Variants in CCDC7 observed in about 807,000 individuals in gnomAD.
CCDC7 encodes coiled-coil domain containing 7.
Under a neutral mutation model 196.9 loss-of-function variants are expected in CCDC7, and 183 were observed. That is an observed-to-expected ratio of 0.93 (90% CI 0.82 to 1.05). The LOEUF (loss-of-function observed/expected upper bound fraction) is 1.05. CCDC7 is among the 50% of genes least tolerant of loss of function. The pLI, the probability that CCDC7 is intolerant of heterozygous loss-of-function variation, is 0.00. For synonymous variants in CCDC7, 525 were observed against 484.6 expected (o/e 1.08, Z -1.10); for missense variants, 1,540 against 1,482.2 (o/e 1.04, Z -0.64).
chr10:32,461,709 GTA>G lies in CCDC7; in HGVS notation c.457-954_457-953del, dbSNP rs771403958. On this transcript the variant is annotated intron_variant, in intron 3 of 41. Transcript: ENST00000639629. Reference sequence around the variant, plus strand: ...TACATATATGTGTGTGTGTGTGTGTGTATATATATATATATATATATGTATAT... The same window carrying G: ...TACATATATGTGTGTGTGTGTGTGTGTATATATATATATATATATGTATAT... 1.9e-3 allele frequency among the ~76,000 whole-genome samples: 111 copies of G among 57,482 alleles called. 1 individual carries two copies. The highest frequency in any genetic ancestry group is 7.1e-3 in the African/African-American group (91 of 12,806). The allele number at this position is 57,482 out of a possible 152,430, so 37.7% of individuals were successfully genotyped here. A position where few individuals can be genotyped will look rare whatever the true frequency, so the allele number is the denominator to read the frequency against.
At chr10:32,846,552 C>A in intron 37 of CCDC7, 93 bp downstream of exon 38, 1 of 712,376 alleles carries the variant, frequency 1.4e-6, no homozygotes, top group Non-Finnish European at 2.4e-6. Context: ...ATAGTGCCTA[C>A]ATGTTAGTGT....
chr10:32,823,631 T>G (rs889646631), intron 31 of CCDC7, among the ~76,000 whole-genome samples: 7 of 152,228 alleles, frequency 4.6e-5, no homozygotes, highest in Non-Finnish European at 8.8e-5. Context: ...CATTACATGC[T>G]CTGCTAAAAC....
At chr10:32,689,841 T>C (rs1168586311) in intron 23 of CCDC7, among the ~76,000 whole-genome samples, 1 of 152,036 alleles carries the variant, frequency 6.6e-6, no homozygotes, top group Admixed American at 6.6e-5. Flanking sequence ...CTCAAGTGAT[T>C]TTCCTGCCTC....
chr10:32,688,803 A>G (rs2076749453), intron 22 of CCDC7, among the ~76,000 whole-genome samples: 1 of 152,178 alleles, frequency 6.6e-6, no homozygotes. Flanking sequence ...AATATAAAAA[A>G]CCTAAGAAAG....
At chr10:32,531,989 A>G (rs563572719) in intron 11 of CCDC7, among the ~76,000 whole-genome samples, 1 of 152,200 alleles carries the variant, frequency 6.6e-6, no homozygotes, top group African/African-American at 2.4e-5. Flanking sequence ...CAAAACATCA[A>G]CTTTTTCTTT....
intron 25 of CCDC7, among the ~76,000 whole-genome samples, chr10:32,715,114 C>T (rs1290618725): frequency 6.6e-6 from 1 of 152,210 alleles, no homozygotes; most frequent in East Asian, 1.9e-4. Context: ...AGACACCTCC[C>T]AGCAGGGGTC....
chr10:32,523,549 C>CAA (rs34147655), intron 11 of CCDC7, among the ~76,000 whole-genome samples: 7,152 of 130,472 alleles, frequency 0.055, 590 homozygotes, highest in African/African-American at 0.19. Context: ...ACGCTGTCTC[C>CAA]AAAAAAAAAA....
chr10:32,712,078 C>T (rs1296074858), intron 25 of CCDC7, among the ~76,000 whole-genome samples: 6 of 152,168 alleles, frequency 3.9e-5, no homozygotes, highest in South Asian at 4.2e-4. Context: ...GAAGTATTGC[C>T]GAGATCTGTA....
intron 32 of CCDC7, among the ~76,000 whole-genome samples, chr10:32,828,485 G>GGAAGAGGAAGAAGAA (rs2091618916): frequency 2.0e-4 from 10 of 49,746 alleles, no homozygotes; most frequent in Admixed American, 4.7e-4. Flanking sequence ...AAGAGGAAGA[G>GGAAGAGGAAGAAGAA]GAAGAAGAAG....
At chr10:32,876,626 TTTAAAGAAG>T (rs2094603443), downstream of CCDC7, 3 of 356,920 alleles carry the variant, frequency 8.4e-6, no homozygotes, top group Non-Finnish European at 1.5e-5. Context: ...TCTTTTCAAT[TTTAAAGAAG>T]TTATGCAATT....
intron 30 of CCDC7, among the ~76,000 whole-genome samples, chr10:32,805,929 T>C (rs1410433001): frequency 6.6e-6 from 1 of 152,134 alleles, no homozygotes; most frequent in African/African-American, 2.4e-5. Context: ...GCGCTTTTAC[T>C]CACGGCAGAA....
At position 32,453,358 on chromosome 10, in the gene CCDC7, G is replaced by A. The variant is rs750198207; in HGVS notation, c.294G>A (p.Leu98=). The A allele has an allele frequency of 2.0e-6, 3 of 1,498,730 alleles. No homozygotes were observed. In the South Asian group the frequency reaches 4.5e-5, roughly 22 times the overall value. The allele number at this position is 1,498,730 out of a possible 1,614,324, so 92.8% of individuals were successfully genotyped here. A position where few individuals can be genotyped will look rare whatever the true frequency, so the allele number is the denominator to read the frequency against. ...TTTTTTTACAGGTTGTTTCCACTTT[G>A]GAAGAAACCTATGGACATTGCGATC... The change falls in exon 2 of 42, where the codon TTG becomes TTA. Residue 98 remains leucine (L), a synonymous_variant. Coordinates refer to ENST00000639629, the Ensembl canonical transcript of CCDC7.
chr10:32,775,661 G>A (rs1287922597), intron 28 of CCDC7, among the ~76,000 whole-genome samples: 1 of 152,048 alleles, frequency 6.6e-6, no homozygotes, highest in Non-Finnish European at 1.5e-5. Flanking sequence ...ACCAGTGATT[G>A]GCCCTTAAAT....
At chr10:32,518,653 C>A in intron 11 of CCDC7, 148 bp downstream of exon 12, 1 of 627,562 alleles carries the variant, frequency 1.6e-6, no homozygotes, top group Non-Finnish European at 2.3e-6. Context: ...TAAAATTATG[C>A]CATATTCTAA....
intron 18 of CCDC7, among the ~76,000 whole-genome samples, chr10:32,601,304 C>A (rs1432651320): frequency 6.6e-6 from 1 of 152,192 alleles, no homozygotes; most frequent in Admixed American, 6.5e-5. Context: ...CTCCTGACCT[C>A]AAGTAAACCA....
chr10:32,532,503 T>G (rs1434733000), intron 11 of CCDC7, among the ~76,000 whole-genome samples: 1 of 152,224 alleles, frequency 6.6e-6, no homozygotes, highest in African/African-American at 2.4e-5. Context: ...CAATGTGTAT[T>G]CTGCGGCAGT....
chr10:32,815,619 CT>C (rs2088271256), intron 31 of CCDC7, among the ~76,000 whole-genome samples: 1 of 152,032 alleles, frequency 6.6e-6, no homozygotes, highest in South Asian at 2.1e-4. Context: ...AAAATATTTA[CT>C]AGGTAATATT....
At chr10:32,647,232 A>G (rs890572030) in intron 20 of CCDC7, among the ~76,000 whole-genome samples, 140 of 152,320 alleles carry the variant, frequency 9.2e-4, no homozygotes, top group African/African-American at 3.1e-3. Context: ...ATAGGCTGGG[A>G]ACAGTGGCTC....
intron 31 of CCDC7, 130 bp downstream of exon 32, chr10:32,814,583 C>T (rs966825862): frequency 1.6e-6 from 1 of 613,300 alleles, no homozygotes; most frequent in Non-Finnish European, 2.9e-6. Flanking sequence ...TTATGAATTC[C>T]CCTCTATAAT....
Sources: allele counts gnomAD v4.1 joint callset (sites outside exome capture counted in the v4.1 genomes callset), GRCh38; gene constraint gnomAD v4.1.1; transcripts MANE v1.5; gene names NCBI Gene and HGNC (gene_info 2026-07-23, HGNC 2026-07-21).